The following ANO1 variants were observed in gnomAD, a reference collection of about 807,000 sequenced individuals.
ANO1 encodes anoctamin 1.
A neutral mutation model predicts 124.0 loss-of-function variants in ANO1; 59 were observed. The ratio of observed to expected loss-of-function variants is 0.48; its 90% CI spans 0.39 to 0.59. ANO1 has a LOEUF of 0.59. Among genes scored for constraint, ANO1 ranks in the 20% least tolerant of loss-of-function variants. ANO1 has a pLI of 0.00. For synonymous variants in ANO1, 529 were observed against 532.0 expected (o/e 0.99, Z 0.08); for missense variants, 1,059 against 1,328.0 (o/e 0.80, Z 3.15).
chr11:70,040,439 G>C (rs1169950129), intron 1 of ANO1, among the ~76,000 whole-genome samples: 1 of 152,186 alleles, frequency 6.6e-6, no homozygotes, highest in African/African-American at 2.4e-5. Flanking sequence ...TTATTGGCCA[G>C]ATATTGCAAA....
intron 13 of ANO1, among the ~76,000 whole-genome samples, chr11:70,152,807 A>G (rs2047658052): frequency 6.6e-6 from 1 of 152,216 alleles, no homozygotes; most frequent in African/African-American, 2.4e-5. Flanking sequence ...CTCCACCTCC[A>G]GGAGGACACA....
intron 2 of ANO1, among the ~76,000 whole-genome samples, chr11:70,100,459 C>T (rs554185790): frequency 2.3e-4 from 35 of 152,288 alleles, no homozygotes; most frequent in Admixed American, 5.2e-4. Context: ...GCAGCTGGAG[C>T]GATGTGGCCA....
rs574241014 is a variant in ANO1 at position 70,113,482 on chromosome 11, C to T, written c.855+1720C>T. On this transcript the variant is annotated intron_variant, in intron 7 of 25. Coordinates refer to ENST00000355303, the MANE Select transcript of ANO1 (RefSeq NM_018043.7). ...GTCTGGAGGAGCCCACTCCTCCATT[C>T]TGTCAGGCTTTCCTCCAGAGGACCC... 3.3e-5 allele frequency among the ~76,000 whole-genome samples: 5 copies of T among 152,220 alleles called. No homozygotes were observed. The East Asian group carries it at 9.7e-4, about 30-fold the overall frequency.
chr11:70,030,164 A>C (rs1366836739), intron 1 of ANO1, among the ~76,000 whole-genome samples: 1 of 152,174 alleles, frequency 6.6e-6, no homozygotes, highest in Non-Finnish European at 1.5e-5. Context: ...AGTCTCCAAA[A>C]ACACTTGGCC....
chr11:70,109,458 G>C (rs921275686), intron 6 of ANO1, among the ~76,000 whole-genome samples: 2 of 152,196 alleles, frequency 1.3e-5, no homozygotes, highest in Non-Finnish European at 2.9e-5. Context: ...CATGTCCTAA[G>C]GCAAGGGGAG....
intron 1 of ANO1, among the ~76,000 whole-genome samples, chr11:69,990,934 A>G (rs1251071562): frequency 6.6e-6 from 1 of 152,134 alleles, no homozygotes; most frequent in Non-Finnish European, 1.5e-5. Context: ...CTTTCTCCAT[A>G]ATGTCCTTTG....
chr11:70,161,060 C>G, intron 16 of ANO1, 101 bp from the exon 17 acceptor site: 2 of 1,103,070 alleles, frequency 1.8e-6, no homozygotes, highest in Non-Finnish European at 1.3e-6. Flanking sequence ...AGCAGAAGAG[C>G]GGGAAGGTTG....
intron 2 of ANO1, among the ~76,000 whole-genome samples, chr11:70,091,118 G>T (rs947618649): frequency 6.6e-6 from 1 of 152,180 alleles, no homozygotes. Context: ...GTGTGTGTGG[G>T]CCCCTGCCAG....
intron 1 of ANO1, among the ~76,000 whole-genome samples, chr11:70,080,701 G>A (rs1164300128): frequency 1.3e-5 from 2 of 152,240 alleles, no homozygotes; most frequent in Non-Finnish European, 2.9e-5. Flanking sequence ...GGGCCCAGAT[G>A]AGACCATCAG....
Position 70,091,851 on chromosome 11 carries a change from C to T in ANO1, c.441+3767C>T, listed in dbSNP as rs114053968. ...TGCCTCCTCACTGAGTCGGGAGGTT[C>T]ATTGTGTTGAGACATCTTGTGACAA... On this transcript the variant is annotated intron_variant, in intron 2 of 25. Transcript: ENST00000355303. Among the ~76,000 whole-genome samples the T allele has an allele frequency of 1.4e-3, 216 of 152,332 alleles. 1 individual carries two copies. Among genetic ancestry groups the T allele is most frequent in the African/African-American group, 4.8e-3 (199 of 41,576 alleles).
chr11:70,091,952 C>T (rs1474140360), intron 2 of ANO1, among the ~76,000 whole-genome samples: 1 of 152,216 alleles, frequency 6.6e-6, no homozygotes, highest in Admixed American at 6.5e-5. Flanking sequence ...TCATGCCCTG[C>T]ACCTGCACAG....
intron 1 of ANO1, among the ~76,000 whole-genome samples, chr11:70,041,652 T>C (rs4980752): frequency 0.026 from 4,020 of 152,114 alleles, 150 homozygotes; most frequent in East Asian, 0.16. Context: ...CATTTTTGTC[T>C]GTTTTGATAG....
intron 25 of ANO1, among the ~76,000 whole-genome samples, chr11:70,186,306 AAAG>A (rs1259357230): frequency 1.4e-5 from 2 of 145,292 alleles, no homozygotes; most frequent in Non-Finnish European, 3.0e-5. Context: ...GAGAGAGAGA[AAAG>A]AAGGAGAAGG....
chr11:70,019,515 C>T (rs782558539), intron 1 of ANO1, among the ~76,000 whole-genome samples: 2 of 151,990 alleles, frequency 1.3e-5, no homozygotes, highest in African/African-American at 2.4e-5. Context: ...CAGGAGCCGG[C>T]TCACCCAATT....
rs558115207 is a variant in ANO1, at chr11:70,125,950, G to T, written c.963-111G>T. Reference sequence around the variant, plus strand: ...CCCCACTCTCTGCTTCTGGGATGAGGGAACCAGTGCCCCTGGTTTGAGTTG... The same window carrying T: ...CCCCACTCTCTGCTTCTGGGATGAGTGAACCAGTGCCCCTGGTTTGAGTTG... On this transcript the variant is annotated intron_variant, in intron 9 of 25. Coordinates refer to ENST00000355303, the MANE Select transcript of ANO1 (RefSeq NM_018043.7). The T allele has an allele frequency of 2.1e-5, 28 of 1,345,332 alleles. No homozygotes were observed. The South Asian group carries it at 3.5e-4, about 17-fold the overall frequency. 83.3% of individuals were successfully genotyped at this position (1,345,332 alleles called of 1,614,324 possible).
At chr11:70,100,449 G>A (rs749116551) in intron 2 of ANO1, among the ~76,000 whole-genome samples, 23 of 152,240 alleles carry the variant, frequency 1.5e-4, no homozygotes, top group Non-Finnish European at 2.9e-4. Context: ...CAAGGAGCCA[G>A]CAGCTGGAGC....
upstream of ANO1, among the ~76,000 whole-genome samples, chr11:69,984,850 G>C (rs1322717142): frequency 6.6e-6 from 1 of 152,226 alleles, no homozygotes; most frequent in South Asian, 2.1e-4. Context: ...CCTTTCAAAA[G>C]ATGAGGCGGC....
chr11:70,057,310 G>T (rs1221859980), intron 1 of ANO1, among the ~76,000 whole-genome samples: 4 of 152,134 alleles, frequency 2.6e-5, no homozygotes, highest in Non-Finnish European at 5.9e-5. Flanking sequence ...TTCTCTCAGG[G>T]TTGGAGATGA....
intron 11 of ANO1, among the ~76,000 whole-genome samples, chr11:70,143,122 C>T (rs2047219277): frequency 6.6e-6 from 1 of 152,198 alleles, no homozygotes; most frequent in African/African-American, 2.4e-5. Context: ...GCCCTGCCTG[C>T]TTCCCAGAGC....
Sources: allele counts gnomAD v4.1 joint callset (sites outside exome capture counted in the v4.1 genomes callset), GRCh38; gene constraint gnomAD v4.1.1; transcripts MANE v1.5; gene names NCBI Gene and HGNC (gene_info 2026-07-23, HGNC 2026-07-21).